The following PDZD2 variants were observed in gnomAD, a reference collection of about 807,000 sequenced individuals.
PDZD2 encodes PDZ domain-containing protein 2.
PDZD2 carries 90 observed loss-of-function variants against 220.7 expected under a neutral mutation model. The observed-to-expected ratio is 0.41, with a 90% CI of 0.34 to 0.49. PDZD2 has a LOEUF of 0.49. Among genes scored for constraint, PDZD2 ranks in the 20% least tolerant of loss-of-function variants. The pLI is 0.28. For synonymous variants in PDZD2, 1,375 were observed against 1,450.5 expected (o/e 0.95, Z 1.18); for missense variants, 3,174 against 3,608.5 (o/e 0.88, Z 3.08).
intron 1 of PDZD2, among the ~76,000 whole-genome samples, chr5:31,750,756 C>CG (rs1750908383): frequency 6.6e-6 from 1 of 152,142 alleles, no homozygotes; most frequent in Non-Finnish European, 1.5e-5. Flanking sequence ...GCATTCCCAC[C>CG]AGTGAGAGGG....
chr5:31,920,094 G>A (rs1022385942), intron 2 of PDZD2, among the ~76,000 whole-genome samples: 1 of 151,860 alleles, frequency 6.6e-6, no homozygotes, highest in African/African-American at 2.4e-5. Context: ...GACCAGCCTG[G>A]GCAACGTGAC....
At chr5:31,729,117 T>TTC in intron 1 of PDZD2, among the ~76,000 whole-genome samples, 1 of 139,822 alleles carries the variant, frequency 7.2e-6, no homozygotes, top group Non-Finnish European at 1.6e-5. Flanking sequence ...TTTTTTTTTT[T>TTC]TTTGAGACAG....
In PDZD2 at chr5:32,105,338, C is replaced by A. The variant is rs145398670; in HGVS notation, c.8354-2631C>A. Among the ~76,000 whole-genome samples, 240 of 152,230 alleles carry A rather than the reference C, an allele frequency of 1.6e-3. 2 individuals are homozygous for A. Among genetic ancestry groups the A allele is most frequent in the African/African-American group, 4.2e-3 (173 of 41,532 alleles). On this transcript the variant is annotated intron_variant, in intron 24 of 24. Coordinates refer to ENST00000438447, the MANE Select transcript of PDZD2 (RefSeq NM_178140.4). ...AAAATTAGAAATATTATAAATCATTCTTTTAATCTATCAAGTTGGCCAAAA... is the reference window on the plus strand; with the variant it reads ...AAAATTAGAAATATTATAAATCATTATTTTAATCTATCAAGTTGGCCAAAA...
intron 1 of PDZD2, among the ~76,000 whole-genome samples, chr5:31,796,186 T>G (rs1386495950): frequency 6.6e-6 from 1 of 152,264 alleles, no homozygotes; most frequent in African/African-American, 2.4e-5. Flanking sequence ...TATTTTCATT[T>G]AAAGTTTTGT....
intron 7 of PDZD2, among the ~76,000 whole-genome samples, chr5:32,042,201 G>A (rs1267995516): frequency 1.3e-5 from 2 of 150,756 alleles, no homozygotes; most frequent in African/African-American, 4.9e-5. Flanking sequence ...GGCGGAGCTT[G>A]CAGTGAGCCG....
At chr5:31,706,282 A>G (rs1204386033) in intron 1 of PDZD2, among the ~76,000 whole-genome samples, 1 of 152,158 alleles carries the variant, frequency 6.6e-6, no homozygotes, top group Admixed American at 6.5e-5. Context: ...GACAAAGCAC[A>G]TGGAGTAATA....
intron 2 of PDZD2, chr5:31,823,154 CAAAAAAAAAAAAAAAAAAA>C: frequency 1.1e-5 from 1 of 94,954 alleles, no homozygotes; most frequent in East Asian, 5.4e-4. Flanking sequence ...GTAGACGTGG[CAAAAAAAAAAAAAAAAAAA>C]AAAAAAAAAG....
intron 2 of PDZD2, among the ~76,000 whole-genome samples, chr5:31,934,422 T>A (rs1241218246): frequency 6.6e-6 from 1 of 152,140 alleles, no homozygotes; most frequent in Admixed American, 6.6e-5. Flanking sequence ...TAGTTCTTTC[T>A]CTGCCGCACC....
chr5:31,962,776 C>T (rs890997), intron 2 of PDZD2, among the ~76,000 whole-genome samples: 4,279 of 152,268 alleles, frequency 0.028, 187 homozygotes, highest in African/African-American at 0.096. Flanking sequence ...AGGGAAAACT[C>T]TCTTATCAAG....
At chr5:31,880,094 A>AT (rs375822546) in intron 2 of PDZD2, among the ~76,000 whole-genome samples, 1,766 of 149,322 alleles carry the variant, frequency 0.012, 29 homozygotes, top group African/African-American at 0.036. Context: ...TACTTTTTGT[A>AT]TTTTTTTTTA....
At position 31,752,073 on chromosome 5, in the gene PDZD2, G is replaced by GTTTTTTTTTTTTTT. The variant is rs3032803; in HGVS notation, c.-360-46812_-360-46799dup. Among the ~76,000 whole-genome samples the GTTTTTTTTTTTTTT allele has an allele frequency of 4.2e-4, 40 of 95,066 alleles. 1 individual carries two copies. Among genetic ancestry groups the GTTTTTTTTTTTTTT allele is most frequent in the African/African-American group, 1.5e-3 (36 of 23,914 alleles). 62.4% of individuals were successfully genotyped at this position (95,066 alleles called of 152,430 possible). A position where few individuals can be genotyped will look rare whatever the true frequency, so the allele number is the denominator to read the frequency against. ...TTGTTTGTTTTATTGTTTTGGGTTT[G>GTTTTTTTTTTTTTT]TTTTTTTTTTTTTTTTTCTGAGACA... On this transcript the variant is annotated intron_variant, in intron 1 of 24. Coordinates refer to ENST00000438447, the MANE Select transcript of PDZD2 (RefSeq NM_178140.4).
chr5:31,707,599 T>C lies in PDZD2; in HGVS notation c.-361+68162T>C, dbSNP rs187781609. On this transcript the variant is annotated intron_variant, in intron 1 of 24. Coordinates refer to ENST00000438447, the MANE Select transcript of PDZD2 (RefSeq NM_178140.4). ...GAGTAATACAGTCTGTATAGAAAGA[T>C]AGAGCCACACCCACGTGGAGCTACT... Among the ~76,000 whole-genome samples the C allele has an allele frequency of 3.7e-3, 557 of 152,290 alleles. 2 individuals are homozygous for C. The highest frequency in any genetic ancestry group is 6.1e-3 in the Non-Finnish European group (412 of 68,030).
intron 1 of PDZD2, among the ~76,000 whole-genome samples, chr5:31,781,540 G>T (rs34884728): frequency 6.6e-6 from 1 of 151,994 alleles, no homozygotes. Flanking sequence ...AGAAGTGGTC[G>T]CCAACTCTAT....
chr5:31,885,204 T>G (rs1382730238), intron 2 of PDZD2, among the ~76,000 whole-genome samples: 1 of 147,598 alleles, frequency 6.8e-6, no homozygotes, highest in Non-Finnish European at 1.5e-5. Flanking sequence ...AGCTGTTAGG[T>G]AATCAGAGAA....
At chr5:31,871,142 G>A (rs1310574194) in intron 2 of PDZD2, among the ~76,000 whole-genome samples, 1 of 152,084 alleles carries the variant, frequency 6.6e-6, no homozygotes, top group Admixed American at 6.6e-5. Flanking sequence ...TAATATACAA[G>A]TGTATATGCG....
At position 31,799,716 on chromosome 5, in the gene PDZD2, T is replaced by C. The variant is rs778301256; in HGVS notation, c.468T>C (p.Ser156=). Residue 156 remains serine (S), a synonymous_variant, in exon 2 of 25, where the codon AGT becomes AGC. Coordinates refer to ENST00000438447, the MANE Select transcript of PDZD2 (RefSeq NM_178140.4). ...NGQLMVGVDV[S]GASYLAEQCW... ...AGCTGATGGTTGGAGTTGATGTCAG[T>C]GGGGCCAGGTAAGTAGGGGGAATGC... 5.0e-6 allele frequency: 8 copies of C among 1,610,350 alleles called. No individual in the cohort carries two copies. The highest frequency in any genetic ancestry group is 6.8e-6 in the Non-Finnish European group (8 of 1,177,020).
intron 1 of PDZD2, among the ~76,000 whole-genome samples, chr5:31,694,138 C>T (rs1292442469): frequency 6.6e-6 from 1 of 152,164 alleles, no homozygotes; most frequent in Non-Finnish European, 1.5e-5. Flanking sequence ...CGGTGGCAAT[C>T]CCAGCACTTT....
intron 2 of PDZD2, among the ~76,000 whole-genome samples, chr5:31,810,495 G>A (rs1408151614): frequency 6.6e-6 from 1 of 152,146 alleles, no homozygotes; most frequent in Non-Finnish European, 1.5e-5. Context: ...TGGATCTCCT[G>A]ACCTTGTGAT....
chr5:31,680,138 A>T (rs1242241908), intron 1 of PDZD2, among the ~76,000 whole-genome samples: 1 of 152,144 alleles, frequency 6.6e-6, no homozygotes, highest in African/African-American at 2.4e-5. Context: ...TTTGCTCTTT[A>T]ATTCATTCAT....
Sources: gnomAD v4.1 joint callset for allele counts (sites outside exome capture counted in the v4.1 genomes callset) on GRCh38, gnomAD v4.1.1 for gene constraint, MANE v1.5 for transcripts, NCBI Gene and HGNC (gene_info 2026-07-23, HGNC 2026-07-21) for gene names.